The following SLC12A2 variants were observed in gnomAD, a reference collection of about 807,000 sequenced individuals.
The protein encoded by SLC12A2 is Na-K-2Cl cotransporter 1.
Under a neutral mutation model 136.3 loss-of-function variants are expected in SLC12A2, and 67 were observed. The observed-to-expected ratio is 0.49, with a 90% CI of 0.40 to 0.60. SLC12A2 has a LOEUF of 0.60. Ranked by LOEUF, SLC12A2 falls within the 20% of genes least tolerant of loss-of-function variation. SLC12A2 has a pLI of 0.00. For missense variants in SLC12A2, 1,322 were observed against 1,534.7 expected, an observed-to-expected ratio of 0.86 and a Z score of 2.32; for synonymous variants, 619 against 562.9, an observed-to-expected ratio of 1.10 and a Z score of -1.41.
At chr5:128,106,120 A>G (rs1760925809) in intron 1 of SLC12A2, among the ~76,000 whole-genome samples, 1 of 152,160 alleles carries the variant, frequency 6.6e-6, no homozygotes, top group African/African-American at 2.4e-5. Context: ...ACTTTTTGAA[A>G]GATTATTTTC....
chr5:128,184,290 A>C (rs1381117204), intron 24 of SLC12A2, 76 bp from the exon 25 acceptor site: 1 of 985,938 alleles, frequency 1.0e-6, no homozygotes. Flanking sequence ...TGCAAGTTAC[A>C]ATTTAATATT....
chr5:128,145,637 A>C (rs993803216), intron 10 of SLC12A2, among the ~76,000 whole-genome samples: 2 of 152,096 alleles, frequency 1.3e-5, no homozygotes, highest in Admixed American at 1.3e-4. Flanking sequence ...CACTTCAGAG[A>C]TGTATTCTTC....
In SLC12A2 at chr5:128,178,584, G is replaced by T; in HGVS notation, c.2995G>T (p.Val999Leu). 1 of 1,588,876 alleles carries T rather than the reference G, an allele frequency of 6.3e-7. No individual in the cohort carries two copies. The highest frequency in any genetic ancestry group is 1.2e-5 in the South Asian group (1 of 85,478). Residue 999 changes from valine to leucine, a missense_variant, in exon 22 of 27, where the codon GTG (valine) becomes TTG (leucine). Transcript: ENST00000262461. ...LLKKESKGPI[V>L]PLNVADQKLL... ...TCCTTTAGAATCCAAAGGCCCTATTGTGCCTTTAAATGTAGCTGACCAAAA... is the reference window on the plus strand; with the variant it reads ...TCCTTTAGAATCCAAAGGCCCTATTTTGCCTTTAAATGTAGCTGACCAAAA...
chr5:128,177,175 T>C, intron 21 of SLC12A2, 23 bp downstream of exon 21: 2 of 1,564,914 alleles, frequency 1.3e-6, no homozygotes, highest in Admixed American at 1.8e-5. Context: ...CATCATTTTA[T>C]TTTAAACCCT....
At chr5:128,158,788 T>C (rs924815582) in intron 16 of SLC12A2, among the ~76,000 whole-genome samples, 1 of 152,132 alleles carries the variant, frequency 6.6e-6, no homozygotes, top group African/African-American at 2.4e-5. Context: ...CTGCTTTCCA[T>C]AGTGGCTGAA....
At chr5:128,115,932 C>T (rs1188874668) in intron 4 of SLC12A2, among the ~76,000 whole-genome samples, 2 of 152,182 alleles carry the variant, frequency 1.3e-5, no homozygotes, top group African/African-American at 4.8e-5. Flanking sequence ...TATGACTATG[C>T]TGAGCATTCA....
rs954674762 is a variant in SLC12A2, at chr5:128,188,096, G to A, written c.*1465G>A. ...ATTCATTAGGCAAACTTTGGTTTAA[G>A]TAAACATATGTTCAAAATCAGATTA... On this transcript the variant is annotated 3_prime_UTR_variant, in exon 27 of 27. Coordinates refer to ENST00000262461, the MANE Select transcript of SLC12A2 (RefSeq NM_001046.3). The A allele has an allele frequency of 4.4e-5, 5 of 113,460 alleles. No individual in the cohort carries two copies. Among genetic ancestry groups the A allele is most frequent in the Non-Finnish European group, 1.1e-4 (5 of 46,660 alleles). The allele number at this position is 113,460 out of a possible 1,614,324, so 7.0% of individuals were successfully genotyped here. A position where few individuals can be genotyped will look rare whatever the true frequency, so the allele number is the denominator to read the frequency against.
intron 1 of SLC12A2, among the ~76,000 whole-genome samples, chr5:128,106,714 A>T (rs188663080): frequency 6.6e-6 from 1 of 152,152 alleles, no homozygotes; most frequent in Non-Finnish European, 1.5e-5. Context: ...ACATAGTTGT[A>T]TGTAGTATGG....
intron 7 of SLC12A2, among the ~76,000 whole-genome samples, chr5:128,137,955 T>G (rs1762238411): frequency 1.3e-5 from 2 of 151,444 alleles, no homozygotes; most frequent in South Asian, 4.2e-4. Context: ...TTTTTTTTCT[T>G]GAGATGGGGT....
intron 1 of SLC12A2, among the ~76,000 whole-genome samples, chr5:128,111,980 C>A (rs1021261495): frequency 6.6e-6 from 1 of 152,070 alleles, no homozygotes; most frequent in Non-Finnish European, 1.5e-5. Context: ...AGAGGAAGAA[C>A]CACAGGATGG....
chr5:128,102,340 A>T (rs1449008622), intron 1 of SLC12A2, among the ~76,000 whole-genome samples: 1 of 151,878 alleles, frequency 6.6e-6, no homozygotes, highest in East Asian at 1.9e-4. Flanking sequence ...TTCTCTGTGC[A>T]CCCCCTTCTA....
At position 128,084,515 on chromosome 5, in the gene SLC12A2, C is replaced by T. The variant is rs764170074; in HGVS notation, c.561C>T (p.Ser187=). 1.9e-6 allele frequency: 3 copies of T among 1,606,940 alleles called. No homozygotes were observed. The highest frequency in any genetic ancestry group is 1.7e-6 in the Non-Finnish European group (2 of 1,176,820). ...TGAGCGAGGGCAGCAGCCTGCACTCCGGCGGCGGCGGCGGCAGTGGGCACC... is the reference window on the plus strand; with the variant it reads ...TGAGCGAGGGCAGCAGCCTGCACTCTGGCGGCGGCGGCGGCAGTGGGCACC... ...TVLSEGSSLH[S]GGGGGSGHHQ... is the part of the protein sequence containing the mutation. Residue 187 remains serine, a synonymous_variant, in exon 1 of 27, where the codon TCC becomes TCT. Transcript: ENST00000262461. The surrounding 1 kb of genome is among the most constrained non-coding windows in gnomAD (Gnocchi z 5.6).
Position 128,171,624 on chromosome 5 carries a change from A to ATTTT in SLC12A2, c.2724-36_2724-33dup, listed in dbSNP as rs3214907. 7 of 1,204,976 alleles carry ATTTT rather than the reference A, an allele frequency of 5.8e-6. No homozygotes were observed. The African/African-American group carries it at 1.1e-4, about 19-fold the overall frequency. The allele number at this position is 1,204,976 out of a possible 1,614,324, so 74.6% of individuals were successfully genotyped here. A position where few individuals can be genotyped will look rare whatever the true frequency, so the allele number is the denominator to read the frequency against. On this transcript the variant is annotated intron_variant, in intron 18 of 26. Coordinates refer to ENST00000262461, the MANE Select transcript of SLC12A2 (RefSeq NM_001046.3). ...AAAGAGGATAACACAAATTTTTGTGATTTTTTTTTTGGTTTTTTCATTTTT... is the reference window on the plus strand; with the variant it reads ...AAAGAGGATAACACAAATTTTTGTGATTTTTTTTTTTTTTGGTTTTTTCATTTTT...
chr5:128,159,013 TC>T (rs764268942), intron 16 of SLC12A2, among the ~76,000 whole-genome samples: 20 of 152,010 alleles, frequency 1.3e-4, no homozygotes, highest in Admixed American at 5.9e-4. Context: ...TTTTTTTTTT[TC>T]AGGTAGTTGT....
rs759988909 is a variant in SLC12A2 at position 128,084,458 on chromosome 5, C to A, written c.504C>A (p.Asn168Lys). 1.9e-6 allele frequency: 3 copies of A among 1,612,918 alleles called. No individual in the cohort carries two copies. The highest frequency in any genetic ancestry group is 2.5e-6 in the Non-Finnish European group (3 of 1,179,718). ...DAAGVGVDGP[N>K]VSFQNGGDTV... ...CCGGGGTCGGAGTCGACGGGCCCAA[C>A]GTGAGCTTCCAGAACGGCGGGGACA... Residue 168 changes from asparagine (N) to lysine (K), a missense_variant, in exon 1 of 27, where the codon AAC (asparagine) becomes AAA (lysine). Transcript: ENST00000262461. This position sits in a 1 kb window ranked among gnomAD's most constrained non-coding sequence, Gnocchi z 5.6.
At position 128,174,457 on chromosome 5, in the gene SLC12A2, A is replaced by G. The variant is rs1763479734; in HGVS notation, c.2804-84A>G. On this transcript the variant is annotated intron_variant, in intron 19 of 26. Transcript: ENST00000262461. ...TTTATAATAAACTTATTTTTTCATAATAGTTTAATTACTAAACCATAATGC... is the reference window on the plus strand; with the variant it reads ...TTTATAATAAACTTATTTTTTCATAGTAGTTTAATTACTAAACCATAATGC... 15 of 1,006,652 alleles carry G rather than the reference A, an allele frequency of 1.5e-5. No homozygotes were observed. In the South Asian group the frequency reaches 2.3e-4, roughly 15 times the overall value. The allele number at this position is 1,006,652 out of a possible 1,614,324, so 62.4% of individuals were successfully genotyped here.
At chr5:128,173,367 C>T (rs1763441395) in intron 19 of SLC12A2, among the ~76,000 whole-genome samples, 2 of 152,152 alleles carry the variant, frequency 1.3e-5, no homozygotes, top group South Asian at 4.1e-4. Context: ...AGTAGTGTTC[C>T]CTTTCACGTA....
chr5:128,151,376 A>G lies in SLC12A2; in HGVS notation c.2243A>G (p.Tyr748Cys), dbSNP rs1442779493. Residue 748 changes from tyrosine to cysteine, a missense_variant, in exon 14 of 27, where the codon TAT becomes TGT. Tyr to Cys is a radical substitution (Grantham distance 194). This residue lies in a region of SLC12A2 where 294 missense variants were observed against 436.6 expected (regional missense o/e 0.67). Coordinates refer to ENST00000262461, the MANE Select transcript of SLC12A2 (RefSeq NM_001046.3). The part of the protein sequence containing the change: ...TYVIVLGLYI[Y>C]VTYKKPDVNW... ...GTGATAGTCCTTGGGCTGTATATTT[A>G]TGTTACCTACAAAAAACCAGGTCAG... 1.2e-6 allele frequency: 2 copies of G among 1,608,698 alleles called. No homozygotes were observed. The highest frequency in any genetic ancestry group is 1.7e-6 in the Non-Finnish European group (2 of 1,178,550).
At chr5:128,087,409 G>T (rs1037098153) in intron 1 of SLC12A2, among the ~76,000 whole-genome samples, 2 of 152,164 alleles carry the variant, frequency 1.3e-5, no homozygotes, top group Non-Finnish European at 2.9e-5. Context: ...TGTTACGAAA[G>T]AAAAGGATAC....
Sources: allele counts gnomAD v4.1 joint callset (sites outside exome capture counted in the v4.1 genomes callset), GRCh38; gene constraint gnomAD v4.1.1; regional missense constraint gnomAD v4.1.1; non-coding constraint Gnocchi (gnomAD v3.1); transcripts MANE v1.5; gene names NCBI Gene and HGNC (gene_info 2026-07-23, HGNC 2026-07-21).